PLCB4: variants seen among roughly 807,000 people sequenced by gnomAD.
The protein encoded by PLCB4 is phospholipase C beta 4.
A neutral mutation model predicts 178.8 loss-of-function variants in PLCB4; 77 were observed. The ratio of observed to expected loss-of-function variants is 0.43; its 90% CI spans 0.36 to 0.52. The LOEUF is 0.52. Ranked by LOEUF, PLCB4 falls within the 20% of genes least tolerant of loss-of-function variation. The probability of loss-of-function intolerance (pLI) is 0.00; values close to 1 mark genes in which losing one functional copy is unlikely to be tolerated. For missense variants in PLCB4, 1,024 were observed against 1,453.4 expected (o/e 0.70, Z 4.80); for synonymous variants, 496 against 490.8 (o/e 1.01, Z -0.14).
chr20:9,156,502 G>C (rs982632630), intron 2 of PLCB4, among the ~76,000 whole-genome samples: 4 of 152,124 alleles, frequency 2.6e-5, no homozygotes, highest in African/African-American at 9.7e-5. Context: ...TCATATTCAT[G>C]CTGAAGGACT....
intron 30 of PLCB4, among the ~76,000 whole-genome samples, chr20:9,443,620 C>A (rs533692310): frequency 3.9e-5 from 6 of 152,284 alleles, no homozygotes; most frequent in Admixed American, 3.9e-4. Flanking sequence ...GAAGAGCTCC[C>A]TGCAGGATCA....
chr20:9,455,863 T>C (rs1185048371), intron 33 of PLCB4, among the ~76,000 whole-genome samples: 2 of 152,222 alleles, frequency 1.3e-5, no homozygotes, highest in Non-Finnish European at 2.9e-5. Context: ...CTGGACTTAG[T>C]CTTGCTATGT....
At chr20:9,248,527 G>A (rs540743361) in intron 3 of PLCB4, among the ~76,000 whole-genome samples, 6 of 152,196 alleles carry the variant, frequency 3.9e-5, no homozygotes, top group Admixed American at 1.3e-4. Context: ...TTTTGGCATC[G>A]CTTAAACATG....
At chr20:9,081,577 T>C (rs1322984252) in intron 1 of PLCB4, among the ~76,000 whole-genome samples, 1 of 152,148 alleles carries the variant, frequency 6.6e-6, no homozygotes, top group African/African-American at 2.4e-5. Context: ...CAGTCCAGAT[T>C]GGGTGCCCTA....
At chr20:9,293,355 G>A (rs1161118663) in intron 3 of PLCB4, among the ~76,000 whole-genome samples, 1 of 147,928 alleles carries the variant, frequency 6.8e-6, no homozygotes, top group Non-Finnish European at 1.5e-5. Context: ...AGGAAGAGAG[G>A]AATGAAGGAA....
chr20:9,443,564 G>A (rs1045121361), intron 30 of PLCB4, among the ~76,000 whole-genome samples: 1 of 152,164 alleles, frequency 6.6e-6, no homozygotes, highest in Non-Finnish European at 1.5e-5. Flanking sequence ...CAAATGCCCA[G>A]CCTCTTTTTG....
chr20:9,345,598 C>T (rs1047379853), intron 7 of PLCB4, among the ~76,000 whole-genome samples: 4 of 152,128 alleles, frequency 2.6e-5, no homozygotes, highest in Admixed American at 6.5e-5. Context: ...TTGAATTTTC[C>T]TTTGATTACA....
intron 2 of PLCB4, among the ~76,000 whole-genome samples, chr20:9,150,781 G>A (rs1209753913): frequency 2.0e-5 from 3 of 152,262 alleles, no homozygotes; most frequent in African/African-American, 4.8e-5. Context: ...ACATTTGGAC[G>A]ATTTAAGCAG....
At chr20:9,312,390 ACACACACG>A (rs1273108604) in intron 4 of PLCB4, among the ~76,000 whole-genome samples, 27 of 141,634 alleles carry the variant, frequency 1.9e-4, no homozygotes, top group African/African-American at 6.6e-4. Flanking sequence ...ACACACACAC[ACACACACG>A]CACGCACTCA....
chr20:9,413,479 G>A (rs1315760076), intron 25 of PLCB4, among the ~76,000 whole-genome samples: 6 of 151,810 alleles, frequency 4.0e-5, no homozygotes, highest in East Asian at 1.9e-4. Flanking sequence ...CTAACACGGC[G>A]AAATCCCGTC....
chr20:9,158,312 C>T (rs1417731861), intron 2 of PLCB4, among the ~76,000 whole-genome samples: 2 of 151,878 alleles, frequency 1.3e-5, no homozygotes, highest in African/African-American at 4.8e-5. Flanking sequence ...GTTGCCCAAG[C>T]TGTAGTGTGG....
chr20:9,394,391 A>AT (rs2038401850), intron 18 of PLCB4, among the ~76,000 whole-genome samples: 1 of 152,194 alleles, frequency 6.6e-6, no homozygotes, highest in Non-Finnish European at 1.5e-5. Context: ...ACGTATTCAT[A>AT]TACTATAGAC....
At chr20:9,141,763 G>A (rs1359937075) in intron 2 of PLCB4, among the ~76,000 whole-genome samples, 1 of 152,040 alleles carries the variant, frequency 6.6e-6, no homozygotes, top group Non-Finnish European at 1.5e-5. Context: ...GGGAATAATA[G>A]GAATTAAATG....
At chr20:9,352,445 G>C (rs1602043332) in intron 7 of PLCB4, among the ~76,000 whole-genome samples, 1 of 152,302 alleles carries the variant, frequency 6.6e-6, no homozygotes. Flanking sequence ...ATCAGGCTTA[G>C]GCAATGCAAA....
intron 3 of PLCB4, among the ~76,000 whole-genome samples, chr20:9,243,093 A>G (rs1395904175): frequency 2.0e-5 from 3 of 152,220 alleles, no homozygotes; most frequent in African/African-American, 7.2e-5. Flanking sequence ...ATACTAAAAC[A>G]TTATTTGTTG....
chr20:9,335,649 A>T (rs1568606561), intron 4 of PLCB4, among the ~76,000 whole-genome samples: 1 of 152,202 alleles, frequency 6.6e-6, no homozygotes. Context: ...TAATTCCAGC[A>T]ATAAACCCAA....
chr20:9,435,589 A>C lies in PLCB4; in HGVS notation c.2554A>C (p.Lys852Gln). Reference sequence around the variant, plus strand: ...CGTGGATGCTTTATCAGATCCAAAGAAATTTCTCTCAATTACAGAAAAGAG... The same window carrying C: ...CGTGGATGCTTTATCAGATCCAAAGCAATTTCTCTCAATTACAGAAAAGAG... Reference protein sequence around the residue: ...DIVDALSDPKKFLSITEKRAD... With the variant: ...DIVDALSDPKQFLSITEKRAD... The change falls in exon 29 of 40, where the codon AAA becomes CAA. Residue 852 changes from lysine (K) to glutamine (Q), a missense_variant. Lys to Gln is a moderately conservative substitution (Grantham distance 53). This residue lies in a region of PLCB4 where 227 missense variants were observed against 374.3 expected (regional missense o/e 0.61). Transcript: ENST00000378473. 6.2e-7 allele frequency: 1 copy of C among 1,608,582 alleles called. No individual in the cohort carries two copies. Among genetic ancestry groups the C allele is most frequent in the Non-Finnish European group, 8.5e-7 (1 of 1,175,222 alleles).
At chr20:9,092,862 CTT>C (rs2090744882) in intron 1 of PLCB4, among the ~76,000 whole-genome samples, 1 of 152,260 alleles carries the variant, frequency 6.6e-6, no homozygotes, top group African/African-American at 2.4e-5. Context: ...AGCTCTCTCT[CTT>C]GTATCTCATT....
intron 7 of PLCB4, 82 bp downstream of exon 7, chr20:9,339,119 A>C (rs951191835): frequency 1.3e-5 from 13 of 993,782 alleles, no homozygotes; most frequent in Non-Finnish European, 1.9e-5. Flanking sequence ...CTATATTTTT[A>C]TATACTTAAA....
Sources: gnomAD v4.1 joint callset for allele counts (sites outside exome capture counted in the v4.1 genomes callset) on GRCh38, gnomAD v4.1.1 for gene constraint, gnomAD v4.1.1 regional missense constraint, MANE v1.5 for transcripts, NCBI Gene and HGNC (gene_info 2026-07-23, HGNC 2026-07-21) for gene names.